P2RY12: variants seen among roughly 807,000 people sequenced by gnomAD.
P2RY12 encodes P2Y purinoceptor 12.
P2RY12 carries 3 observed loss-of-function variants against 4.5 expected under a neutral mutation model. The ratio of observed to expected loss-of-function variants is 0.67; its 90% confidence interval spans 0.31 to 1.74. The LOEUF (loss-of-function observed/expected upper bound fraction) is 1.74, where lower values mean the gene tolerates loss of function less well. Among genes scored for constraint, P2RY12 ranks in the 40% most tolerant of loss-of-function variants. The pLI is 0.09. For missense variants in P2RY12, 356 were observed against 407.8 expected, an observed-to-expected ratio of 0.87 and a Z score of 1.09; for synonymous variants, 148 against 154.1, an observed-to-expected ratio of 0.96 and a Z score of 0.29.
intron 1 of P2RY12, among the ~76,000 whole-genome samples, chr3:151,358,976 T>C (rs1754283919): frequency 6.6e-6 from 1 of 152,190 alleles, no homozygotes; most frequent in African/African-American, 2.4e-5. Context: ...TACAGGTTTA[T>C]TACAAAGGTA....
At chr3:151,380,066 T>A in intron 1 of P2RY12, 1 of 1,163,476 alleles carries the variant, frequency 8.6e-7, no homozygotes, top group South Asian at 1.4e-5. Context: ...GAGGAAGTAA[T>A]GCATTATTTC....
intron 1 of P2RY12, chr3:151,365,922 G>T (rs1227357734): frequency 6.2e-7 from 1 of 1,613,574 alleles, no homozygotes; most frequent in Non-Finnish European, 8.5e-7. Context: ...AATGGCTGGG[G>T]GTTCTGAAGG....
Position 151,364,414 on chromosome 3 carries a change from A to G in P2RY12, c.-180+20278T>C, listed in dbSNP as rs187230864. ...ATAATAGTTTTTTCACTTCCATAGA[A>G]TTTGTGTATTATCCATATCCCCTTA... On this transcript the variant is annotated intron_variant, in intron 1 of 2. Transcript: ENST00000302632. Among the ~76,000 whole-genome samples, 25 of 152,312 alleles carry G rather than the reference A, an allele frequency of 1.6e-4. No homozygotes were observed. In the East Asian group the frequency reaches 2.5e-3, roughly 15 times the overall value.
At chr3:151,346,076 T>G (rs1016895541) in intron 1 of P2RY12, among the ~76,000 whole-genome samples, 8 of 152,204 alleles carry the variant, frequency 5.3e-5, no homozygotes, top group African/African-American at 1.9e-4. Context: ...CTCATGACTT[T>G]GTTCCTTGGC....
At chr3:151,370,310 T>G (rs17204459) in intron 1 of P2RY12, among the ~76,000 whole-genome samples, 1 of 152,180 alleles carries the variant, frequency 6.6e-6, no homozygotes, top group Non-Finnish European at 1.5e-5. Flanking sequence ...TTGACTCTTA[T>G]GTTCAGAAGT....
Position 151,382,644 on chromosome 3 carries a change from T to C in P2RY12, c.-180+2048A>G, listed in dbSNP as rs1025809466. 1.9e-6 allele frequency: 3 copies of C among 1,600,180 alleles called. No homozygotes were observed. In the African/African-American group the frequency reaches 4.1e-5, roughly 22 times the overall value. On this transcript the variant is annotated intron_variant, in intron 1 of 2. Transcript: ENST00000302632. ...ATTAAACTTTAATGGGGAGTTTTTT[T>C]CCGGATCTTAGATTTTAAGTAACTG...
chr3:151,350,910 T>C (rs1253525523), intron 1 of P2RY12, among the ~76,000 whole-genome samples: 2 of 152,226 alleles, frequency 1.3e-5, no homozygotes, highest in Admixed American at 6.5e-5. Flanking sequence ...CTAATTATTC[T>C]TTTCAAGGTT....
rs929680867 is a variant in P2RY12 at position 151,368,685 on chromosome 3, A to C, written c.-180+16007T>G. ...ATTTCATTTCATTTCATGTCATTTCATTTTATTTCATTTCATTTCATTTCA... is the reference window on the plus strand; with the variant it reads ...ATTTCATTTCATTTCATGTCATTTCCTTTTATTTCATTTCATTTCATTTCA... On this transcript the variant is annotated intron_variant, in intron 1 of 2. Transcript: ENST00000302632. 4.8e-5 allele frequency among the ~76,000 whole-genome samples: 2 copies of C among 41,376 alleles called. 1 individual carries two copies. The highest frequency in any genetic ancestry group is 8.8e-5 in the Non-Finnish European group (2 of 22,678). 27.1% of individuals were successfully genotyped at this position (41,376 alleles called of 152,430 possible).
chr3:151,375,996 CT>C, intron 1 of P2RY12: 1 of 1,245,532 alleles, frequency 8.0e-7, no homozygotes, highest in Non-Finnish European at 1.1e-6. Flanking sequence ...AAGCCAGTGC[CT>C]GTCAATCTAA....
At chr3:151,372,553 A>T (rs1489999406) in intron 1 of P2RY12, 1 of 1,609,304 alleles carries the variant, frequency 6.2e-7, no homozygotes. Flanking sequence ...TGCTTTTGTG[A>T]TTCTATTACT....
chr3:151,372,165 A>G (rs1756264227), intron 1 of P2RY12, among the ~76,000 whole-genome samples: 1 of 152,208 alleles, frequency 6.6e-6, no homozygotes, highest in Admixed American at 6.5e-5. Flanking sequence ...GTAAGAGAAG[A>G]AATGGAAAAG....
chr3:151,377,068 T>C lies in P2RY12; in HGVS notation c.-180+7624A>G, dbSNP rs140385105. 1.6e-5 allele frequency: 26 copies of C among 1,614,138 alleles called. No homozygotes were observed. In the African/African-American group the frequency reaches 2.9e-4, roughly 18 times the overall value. On this transcript the variant is annotated intron_variant, in intron 1 of 2. Coordinates refer to ENST00000302632, the MANE Select transcript of P2RY12 (RefSeq NM_022788.5). The stretch of plus-strand genomic sequence containing the variant: ...CAACAATAGAGGTATTCCAGCAGTC[T>C]GCAGACCTAAATAATTCTTCTAATT...
chr3:151,381,802 G>A (rs1712400158), intron 1 of P2RY12, among the ~76,000 whole-genome samples: 1 of 152,068 alleles, frequency 6.6e-6, no homozygotes, highest in Non-Finnish European at 1.5e-5. Context: ...CCTTAGGGAG[G>A]GGTTCATTTC....
intron 1 of P2RY12, chr3:151,380,279 T>A: frequency 8.2e-7 from 1 of 1,217,006 alleles, no homozygotes; most frequent in South Asian, 1.3e-5. Context: ...GGCATTCATT[T>A]ATTTGCCTTT....
intron 1 of P2RY12, chr3:151,355,056 T>A: frequency 8.8e-7 from 1 of 1,141,916 alleles, no homozygotes; most frequent in Non-Finnish European, 1.3e-6. Flanking sequence ...AAAAAAAGTA[T>A]CCATTAAAAA....
chr3:151,368,662 T>TTCATGTCATG (rs796882035), intron 1 of P2RY12, among the ~76,000 whole-genome samples: 6 of 52,414 alleles, frequency 1.1e-4, no homozygotes, highest in Admixed American at 7.6e-4. Context: ...TTCATTTCAT[T>TTCATGTCATG]TCATTTCATT....
At position 151,338,684 on chromosome 3, in the gene P2RY12, C is replaced by A. The variant is rs781350611; in HGVS notation, c.162G>T (p.Arg54=). Residue 54 remains arginine, a synonymous_variant, in exon 3 of 3, where the codon CGG becomes CGT. Coordinates refer to ENST00000302632, the MANE Select transcript of P2RY12 (RefSeq NM_022788.5). ...GLAMRIFFQI[R]SKSNFIIFLK... is the part of the protein sequence containing the mutation. The stretch of plus-strand genomic sequence containing the variant: ...GAAAAATAATAAAGTTTGATTTACT[C>A]CGGATTTGAAAGAAAATCCTCATCG... 1.2e-6 allele frequency: 2 copies of A among 1,613,606 alleles called. No individual in the cohort carries two copies. Among genetic ancestry groups the A allele is most frequent in the South Asian group, 2.2e-5 (2 of 91,058 alleles).
At chr3:151,376,619 T>A (rs1756883040) in intron 1 of P2RY12, among the ~76,000 whole-genome samples, 1 of 152,198 alleles carries the variant, frequency 6.6e-6, no homozygotes, top group Admixed American at 6.5e-5. Flanking sequence ...TGTTTCTGTT[T>A]ATTGGTTTGT....
At chr3:151,376,968 A>G (rs1756931976) in intron 1 of P2RY12, 1 of 1,611,694 alleles carries the variant, frequency 6.2e-7, no homozygotes, top group Admixed American at 1.7e-5. Context: ...CATATGTGCC[A>G]GTATTCTTAT....
Sources: allele counts gnomAD v4.1 joint callset (sites outside exome capture counted in the v4.1 genomes callset), GRCh38; gene constraint gnomAD v4.1.1; transcripts MANE v1.5; gene names NCBI Gene and HGNC (gene_info 2026-07-23, HGNC 2026-07-21).